B3GALT1: variants seen among roughly 807,000 people sequenced by gnomAD.
The protein encoded by B3GALT1 is UDP-Gal:betaGlcNAc beta 1,3-galactosyltransferase, polypeptide 1.
B3GALT1 carries 10 observed loss-of-function variants against 23.2 expected under a neutral mutation model. The observed-to-expected ratio is 0.43, with a 90% CI of 0.27 to 0.73. B3GALT1 has a LOEUF of 0.73. Among genes scored for constraint, B3GALT1 ranks in the 30% least tolerant of loss-of-function variants. B3GALT1 has a pLI of 0.21. For synonymous variants in B3GALT1, 156 were observed against 141.5 expected (o/e 1.10, Z -0.73); for missense variants, 299 against 405.4 (o/e 0.74, Z 2.25).
chr2:167,728,474 A>G (rs1214039859), intron 3 of B3GALT1, among the ~76,000 whole-genome samples: 1 of 152,234 alleles, frequency 6.6e-6, no homozygotes, highest in Non-Finnish European at 1.5e-5. Context: ...ACAAGTGAAA[A>G]TTAAATATAT....
chr2:167,605,274 T>C (rs735424), intron 2 of B3GALT1, among the ~76,000 whole-genome samples: 123,216 of 152,194 alleles, frequency 0.81, 49,967 homozygotes, highest in Admixed American at 0.88. Context: ...TAACAAACTA[T>C]CCCAAACGTA....
chr2:167,870,144 G>C lies in B3GALT1; in HGVS notation c.*124G>C. On this transcript the variant is annotated 3_prime_UTR_variant, in exon 5 of 5. Transcript: ENST00000392690. ...GGGTTTTGTAAAGTTTTTGCTTCCT[G>C]CTATAAGTTCTTTTCTTGGATTACC... The C allele has an allele frequency of 2.0e-6, 2 of 1,020,232 alleles. No individual in the cohort carries two copies. The highest frequency in any genetic ancestry group is 2.8e-6 in the Non-Finnish European group (2 of 719,452). The allele number at this position is 1,020,232 out of a possible 1,614,324, so 63.2% of individuals were successfully genotyped here. A position where few individuals can be genotyped will look rare whatever the true frequency, so the allele number is the denominator to read the frequency against.
At chr2:167,564,615 C>A (rs1021294126) in intron 2 of B3GALT1, among the ~76,000 whole-genome samples, 13 of 152,188 alleles carry the variant, frequency 8.5e-5, no homozygotes, top group South Asian at 2.1e-4. Flanking sequence ...AATCCCGGCA[C>A]CTCGGGAGGC....
intron 1 of B3GALT1, among the ~76,000 whole-genome samples, chr2:167,379,594 T>C (rs1009987481): frequency 6.6e-6 from 1 of 151,834 alleles, no homozygotes; most frequent in African/African-American, 2.4e-5. Flanking sequence ...AAGGTAAGAG[T>C]TGGCTACAGG....
At chr2:167,667,401 A>G (rs1410020603) in intron 3 of B3GALT1, among the ~76,000 whole-genome samples, 1 of 151,606 alleles carries the variant, frequency 6.6e-6, no homozygotes, top group Admixed American at 6.6e-5. Flanking sequence ...CTTCATTTCA[A>G]CTTTGGTGAA....
intron 3 of B3GALT1, among the ~76,000 whole-genome samples, chr2:167,760,915 C>A (rs1687890042): frequency 1.3e-5 from 2 of 152,194 alleles, no homozygotes; most frequent in South Asian, 4.1e-4. Flanking sequence ...AACATTTTTA[C>A]TATATGCACC....
At chr2:167,515,971 G>A (rs1430303569) in intron 2 of B3GALT1, among the ~76,000 whole-genome samples, 6 of 151,988 alleles carry the variant, frequency 3.9e-5, no homozygotes, top group Non-Finnish European at 8.8e-5. Flanking sequence ...GCGTATTCTA[G>A]CAATACTATT....
chr2:167,482,951 G>GT (rs1208092873), intron 1 of B3GALT1, among the ~76,000 whole-genome samples: 2 of 152,172 alleles, frequency 1.3e-5, no homozygotes, highest in Non-Finnish European at 2.9e-5. Context: ...CCTCTGCACA[G>GT]TATCGTTGTT....
At chr2:167,446,913 G>A (rs1208350254) in intron 1 of B3GALT1, among the ~76,000 whole-genome samples, 6 of 152,134 alleles carry the variant, frequency 3.9e-5, no homozygotes, top group Middle Eastern at 6.8e-3. Flanking sequence ...GAGGAGCTAC[G>A]TTCCTTTGGA....
At chr2:167,672,372 T>C (rs932527818) in intron 3 of B3GALT1, among the ~76,000 whole-genome samples, 1 of 152,084 alleles carries the variant, frequency 6.6e-6, no homozygotes, top group African/African-American at 2.4e-5. Context: ...TGAAATTAAA[T>C]AGGAATAAGA....
intron 1 of B3GALT1, among the ~76,000 whole-genome samples, chr2:167,447,841 T>C (rs572754119): frequency 6.7e-4 from 102 of 152,168 alleles, no homozygotes; most frequent in African/African-American, 2.4e-3. Context: ...CCACTTCGGC[T>C]CTTGCTTGGT....
chr2:167,818,237 CT>C (rs1689036493), intron 3 of B3GALT1, among the ~76,000 whole-genome samples: 1 of 152,208 alleles, frequency 6.6e-6, no homozygotes, highest in South Asian at 2.1e-4. Context: ...ATCTATATTT[CT>C]GTTTTTCCCT....
chr2:167,655,244 A>G (rs547447791), intron 3 of B3GALT1, among the ~76,000 whole-genome samples: 15 of 152,284 alleles, frequency 9.9e-5, no homozygotes, highest in East Asian at 3.9e-4. Flanking sequence ...TCTGTAATCT[A>G]TAGTCTCAAC....
At chr2:167,366,893 A>G (rs1697594930) in intron 1 of B3GALT1, among the ~76,000 whole-genome samples, 1 of 152,222 alleles carries the variant, frequency 6.6e-6, no homozygotes. Flanking sequence ...CTGACAGGGC[A>G]ACTGGCTTCC....
At chr2:167,548,643 A>G (rs75915214) in intron 2 of B3GALT1, among the ~76,000 whole-genome samples, 1,732 of 150,940 alleles carry the variant, frequency 0.011, 12 homozygotes, top group Non-Finnish European at 0.019. Context: ...CACTGAGCAG[A>G]TGCCATACCA....
At chr2:167,548,687 T>A (rs995149929) in intron 2 of B3GALT1, among the ~76,000 whole-genome samples, 3 of 123,826 alleles carry the variant, frequency 2.4e-5, no homozygotes, top group South Asian at 5.1e-4. Context: ...TGTGTGTGAG[T>A]GTGTGTGTGT....
chr2:167,784,846 C>T (rs959979507), intron 3 of B3GALT1, among the ~76,000 whole-genome samples: 1 of 152,182 alleles, frequency 6.6e-6, no homozygotes, highest in East Asian at 1.9e-4. Context: ...AGACCCCAGT[C>T]TCATACAATT....
chr2:167,857,446 CT>C (rs1690019741), intron 4 of B3GALT1, among the ~76,000 whole-genome samples: 1 of 151,976 alleles, frequency 6.6e-6, no homozygotes, highest in South Asian at 2.1e-4. Flanking sequence ...CAGGCTGAGT[CT>C]CTAGCCATAG....
At chr2:167,613,206 A>G (rs982002305) in intron 2 of B3GALT1, among the ~76,000 whole-genome samples, 3 of 151,680 alleles carry the variant, frequency 2.0e-5, no homozygotes, top group Non-Finnish European at 4.4e-5. Context: ...TAAATAATTG[A>G]AAAAAAGTTT....
Sources: allele counts gnomAD v4.1 joint callset (sites outside exome capture counted in the v4.1 genomes callset), GRCh38; gene constraint gnomAD v4.1.1; transcripts MANE v1.5; gene names NCBI Gene and HGNC (gene_info 2026-07-23, HGNC 2026-07-21).